AMOT: variants seen among roughly 807,000 people sequenced by gnomAD.
AMOT encodes angiomotin.
AMOT carries 11 observed loss-of-function variants against 67.0 expected under a neutral mutation model. The ratio of observed to expected loss-of-function variants is 0.16; its 90% CI spans 0.10 to 0.27. The LOEUF (loss-of-function observed/expected upper bound fraction) is 0.27, where lower values mean the gene tolerates loss of function less well. Among genes scored for constraint, AMOT ranks in the 10% least tolerant of loss-of-function variants. AMOT has a pLI of 1.00. For synonymous variants in AMOT, 326 were observed against 321.4 expected (o/e 1.01, Z -0.15); for missense variants, 753 against 852.0 (o/e 0.88, Z 1.45).
intron 12 of AMOT, 173 bp downstream of exon 12, chrX:112,780,713 G>A: frequency 2.2e-6 from 1 of 463,625 alleles, no homozygotes; most frequent in Non-Finnish European, 3.7e-6. Context: ...TCAAAGTGTG[G>A]AGGAGCTCCA....
chrX:112,788,276 G>A lies in AMOT; in HGVS notation c.2117+2316C>T, dbSNP rs544739147. Among the ~76,000 whole-genome samples the A allele has an allele frequency of 2.2e-4, 22 of 102,191 alleles. No homozygotes were observed. In the South Asian group the frequency reaches 5.9e-3, roughly 28 times the overall value. 88.7% of individuals were successfully genotyped at this position (102,191 alleles called of 115,157 possible). A position where few individuals can be genotyped will look rare whatever the true frequency, so the allele number is the denominator to read the frequency against. On this transcript the variant is annotated intron_variant, in intron 10 of 13. Coordinates refer to ENST00000371959, the MANE Select transcript of AMOT (RefSeq NM_001113490.2). ...TGCACTCCAGCCTGGGCAACAGAGC[G>A]AGACTCCTTCTCAAAAAAAAAAAAA...
chrX:112,778,478 T>C lies in AMOT; in HGVS notation c.*89A>G. 1 of 883,737 alleles carries C rather than the reference T, an allele frequency of 1.1e-6. No homozygotes were observed. Among genetic ancestry groups the C allele is most frequent in the Non-Finnish European group, 1.6e-6 (1 of 622,458 alleles). 72.8% of individuals were successfully genotyped at this position (883,737 alleles called of 1,213,427 possible). ...AAAAACATCCCCTCCCCACAACCCT[T>C]GTCCTCACCCTCAAAACAAGAACCA... On this transcript the variant is annotated 3_prime_UTR_variant, in exon 14 of 14. Coordinates refer to ENST00000371959, the MANE Select transcript of AMOT (RefSeq NM_001113490.2).
rs189234422 is a variant in AMOT, at chrX:112,812,181, A to G, written c.1393-788T>C. 4.2e-3 allele frequency among the ~76,000 whole-genome samples: 466 copies of G among 111,957 alleles called. 5 individuals carry two copies. The highest frequency in any genetic ancestry group is 0.014 in the African/African-American group (437 of 30,805). On this transcript the variant is annotated intron_variant, in intron 5 of 13. Transcript: ENST00000371959. ...CAATTTCTGAGAAGAGGTGGCATTT[A>G]CAGTCAGATCCTGAAAGCTGGGTCA...
intron 2 of AMOT, among the ~76,000 whole-genome samples, chrX:112,825,681 G>A: frequency 9.0e-6 from 1 of 110,793 alleles, no homozygotes; most frequent in Non-Finnish European, 1.9e-5. Flanking sequence ...AACACTCAGT[G>A]AGGCTCCCAA....
At chrX:112,812,251 T>C (rs1168037924) in intron 5 of AMOT, among the ~76,000 whole-genome samples, 1 of 111,644 alleles carries the variant, frequency 9.0e-6, no homozygotes, top group African/African-American at 3.3e-5. Flanking sequence ...CTATTCTGAG[T>C]AAGCAAATGC....
chrX:112,786,292 A>G (rs1933361080), intron 10 of AMOT, among the ~76,000 whole-genome samples: 1 of 112,246 alleles, frequency 8.9e-6, no homozygotes, highest in African/African-American at 3.2e-5. Flanking sequence ...TTTTGCTCAA[A>G]ATAAACATGA....
intron 4 of AMOT, among the ~76,000 whole-genome samples, chrX:112,816,673 G>A (rs1934571826): frequency 8.9e-6 from 1 of 111,951 alleles, no homozygotes. Flanking sequence ...GAAAGGGGAA[G>A]TCATCTGCCA....
At chrX:112,838,670 A>G (rs1935196111) in intron 1 of AMOT, among the ~76,000 whole-genome samples, 1 of 112,833 alleles carries the variant, frequency 8.9e-6, no homozygotes, top group Non-Finnish European at 1.9e-5. Flanking sequence ...ACTATGAATT[A>G]TTAAAATTCC....
intron 5 of AMOT, among the ~76,000 whole-genome samples, chrX:112,814,194 C>T (rs756456502): frequency 9.1e-6 from 1 of 110,133 alleles, no homozygotes; most frequent in South Asian, 4.0e-4. Flanking sequence ...ACTGCTTGAA[C>T]CCAGGAGGCG....
At chrX:112,837,750 G>A (rs188390693) in intron 1 of AMOT, among the ~76,000 whole-genome samples, 19 of 111,581 alleles carry the variant, frequency 1.7e-4, no homozygotes, top group African/African-American at 6.2e-4. Context: ...TAAGACTAAA[G>A]ACAACACATC....
In AMOT at chrX:112,777,680, G is replaced by C. The variant is rs904308064; in HGVS notation, c.*887C>G. On this transcript the variant is annotated 3_prime_UTR_variant, in exon 14 of 14. Transcript: ENST00000371959. ...AGAAGAAATAAACACTAAGCTGATT[G>C]GTCTTACTAAATGCAAGCAAGCTGT... is the stretch of plus-strand genomic sequence containing the variant. 9.0e-6 allele frequency: 1 copy of C among 111,489 alleles called. No homozygotes were observed. Among genetic ancestry groups the C allele is most frequent in the Non-Finnish European group, 1.9e-5 (1 of 53,076 alleles). 9.2% of individuals were successfully genotyped at this position (111,489 alleles called of 1,213,427 possible). A position where few individuals can be genotyped will look rare whatever the true frequency, so the allele number is the denominator to read the frequency against.
chrX:112,778,488 C>T lies in AMOT; in HGVS notation c.*79G>A. ...CCTCCCCACAACCCTTGTCCTCACC[C>T]TCAAAACAAGAACCAATAAAAGGGG... On this transcript the variant is annotated 3_prime_UTR_variant, in exon 14 of 14. Coordinates refer to ENST00000371959, the MANE Select transcript of AMOT (RefSeq NM_001113490.2). The T allele has an allele frequency of 1.0e-6, 1 of 990,858 alleles. No homozygotes were observed. The highest frequency in any genetic ancestry group is 1.4e-6 in the Non-Finnish European group (1 of 715,464). 81.7% of individuals were successfully genotyped at this position (990,858 alleles called of 1,213,427 possible).
chrX:112,818,642 G>C (rs1179132395), intron 4 of AMOT, among the ~76,000 whole-genome samples: 3 of 111,874 alleles, frequency 2.7e-5, no homozygotes, highest in Non-Finnish European at 5.6e-5. Flanking sequence ...GAACACTGGG[G>C]TGAAGCTCCC....
Position 112,822,227 on chromosome X carries a change from G to A in AMOT, c.872+28C>T. 6 of 1,083,438 alleles carry A rather than the reference G, an allele frequency of 5.5e-6. No individual in the cohort carries two copies. The South Asian group carries it at 1.1e-4, about 19-fold the overall frequency. The allele number at this position is 1,083,438 out of a possible 1,213,427, so 89.3% of individuals were successfully genotyped here. On this transcript the variant is annotated intron_variant, in intron 4 of 13. Transcript: ENST00000371959. The stretch of plus-strand genomic sequence containing the variant: ...CAGAAGCTGGTTGGGGATGAGGTCA[G>A]GAAATGACAGAAACAGAACTCTCTT...
At chrX:112,839,898 CACT>C (rs940310428) in intron 1 of AMOT, among the ~76,000 whole-genome samples, 2 of 111,048 alleles carry the variant, frequency 1.8e-5, no homozygotes, top group Non-Finnish European at 3.8e-5. Flanking sequence ...TCCTCACCAC[CACT>C]ATCACTACCA....
At chrX:112,785,585 G>T (rs978365501) in intron 10 of AMOT, among the ~76,000 whole-genome samples, 2 of 111,816 alleles carry the variant, frequency 1.8e-5, no homozygotes, top group Non-Finnish European at 3.8e-5. Flanking sequence ...ATTCCAATAG[G>T]CGCTGAAAAT....
chrX:112,778,370 G>A lies in AMOT; in HGVS notation c.*197C>T, dbSNP rs1486384971. On this transcript the variant is annotated 3_prime_UTR_variant, in exon 14 of 14. Transcript: ENST00000371959. ...CATTCTGATTAATCTGTCTTTAGAG[G>A]TACTCCCTAAGCATACCAAAATAGA... 1 of 342,445 alleles carries A rather than the reference G, an allele frequency of 2.9e-6. No individual in the cohort carries two copies. The highest frequency in any genetic ancestry group is 4.5e-5 in the Admixed American group (1 of 22,163). The allele number at this position is 342,445 out of a possible 1,213,427, so 28.2% of individuals were successfully genotyped here.
chrX:112,788,941 G>A (rs773700166), intron 10 of AMOT, among the ~76,000 whole-genome samples: 2 of 112,256 alleles, frequency 1.8e-5, no homozygotes, highest in South Asian at 3.7e-4. Flanking sequence ...GGGTTTCCCC[G>A]AATACACAAA....
chrX:112,815,413 C>T lies in AMOT; in HGVS notation c.1337G>A (p.Arg446Gln), dbSNP rs1038078287. The change falls in exon 5 of 14, where the codon CGG becomes CAG. Residue 446 changes from arginine to glutamine, a missense_variant. Arg to Gln is a conservative substitution (Grantham distance 43). Coordinates refer to ENST00000371959, the MANE Select transcript of AMOT (RefSeq NM_001113490.2). ...TCCTTCCAACTCTTGCCTCAAGTTC[C>T]GGTTCTCGTCTGAGAGGATCTCAAC... Reference protein sequence around the residue: ...QMVEILSDENRNLRQELEGCY... With the variant: ...QMVEILSDENQNLRQELEGCY... The T allele has an allele frequency of 8.3e-6, 10 of 1,210,003 alleles. No individual in the cohort carries two copies. Among genetic ancestry groups the T allele is most frequent in the Admixed American group, 6.6e-5 (3 of 45,727 alleles).
Sources: gnomAD v4.1 joint callset for allele counts (sites outside exome capture counted in the v4.1 genomes callset) on GRCh38, gnomAD v4.1.1 for gene constraint, MANE v1.5 for transcripts, NCBI Gene and HGNC (gene_info 2026-07-23, HGNC 2026-07-21) for gene names.